MAST2: variants seen among roughly 807,000 people sequenced by gnomAD.
The protein encoded by MAST2 is microtubule associated serine/threonine kinase 2.
In MAST2, 70 loss-of-function variants were observed where a neutral mutation model predicts 147.4. That is an observed-to-expected ratio of 0.47 (90% CI 0.39 to 0.58). The LOEUF is 0.58. Ranked by LOEUF, MAST2 falls within the 20% of genes least tolerant of loss-of-function variation. MAST2 has a pLI of 0.00. For synonymous variants in MAST2, 869 were observed against 896.8 expected (o/e 0.97, Z 0.55); for missense variants, 2,080 against 2,302.3 (o/e 0.90, Z 1.98).
intron 5 of MAST2, among the ~76,000 whole-genome samples, chr1:45,987,517 G>A (rs563579399): frequency 3.3e-5 from 5 of 152,040 alleles, no homozygotes; most frequent in Non-Finnish European, 7.4e-5. Flanking sequence ...TCATCGTGTT[G>A]CCCAGGCTGG....
At chr1:45,913,693 G>A in intron 4 of MAST2, 1 of 1,022,690 alleles carries the variant, frequency 9.8e-7, no homozygotes, top group Non-Finnish European at 1.2e-6. Flanking sequence ...TGTTTTTGAA[G>A]AAAAGTACTT....
At chr1:45,816,593 T>C (rs896846897) in intron 1 of MAST2, among the ~76,000 whole-genome samples, 1 of 152,124 alleles carries the variant, frequency 6.6e-6, no homozygotes, top group Non-Finnish European at 1.5e-5. Context: ...CAAGCTGAAA[T>C]TTTGGAGTTG....
chr1:45,913,281 G>A (rs536762870), intron 4 of MAST2, among the ~76,000 whole-genome samples: 16 of 152,166 alleles, frequency 1.1e-4, no homozygotes, highest in Non-Finnish European at 2.1e-4. Context: ...CTGCAGAAAC[G>A]CCCACATAGT....
chr1:45,896,021 T>C (rs1027768345), intron 4 of MAST2, among the ~76,000 whole-genome samples: 2 of 150,544 alleles, frequency 1.3e-5, no homozygotes, highest in African/African-American at 4.9e-5. Context: ...ACAGACTTTC[T>C]TGAATGACTA....
chr1:45,972,697 T>C (rs78015721), intron 5 of MAST2, among the ~76,000 whole-genome samples: 394 of 152,358 alleles, frequency 2.6e-3, no homozygotes, highest in Middle Eastern at 6.8e-3. Context: ...ATCTACATGC[T>C]TAATTCATCT....
chr1:45,818,063 G>A (rs1056552267), intron 1 of MAST2, among the ~76,000 whole-genome samples: 2 of 152,178 alleles, frequency 1.3e-5, no homozygotes, highest in African/African-American at 2.4e-5. Flanking sequence ...GAGAGGTTAG[G>A]TGAATATGGC....
intron 16 of MAST2, among the ~76,000 whole-genome samples, chr1:46,026,598 C>G (rs529600136): frequency 2.5e-4 from 38 of 152,066 alleles, no homozygotes; most frequent in Admixed American, 2.0e-3. Context: ...CAAAGAGATA[C>G]CGAGACCAGG....
chr1:46,034,669 C>T lies in MAST2; in HGVS notation c.4000C>T (p.Arg1334Trp), dbSNP rs1315030922. The T allele has an allele frequency of 5.0e-6, 8 of 1,614,206 alleles. No homozygotes were observed. Among genetic ancestry groups the T allele is most frequent in the Non-Finnish European group, 4.2e-6 (5 of 1,180,028 alleles). The change falls in exon 29 of 29, where the codon CGG becomes TGG. Residue 1334 changes from arginine to tryptophan, a missense_variant. Arg to Trp is a moderately radical substitution (Grantham distance 101). Coordinates refer to ENST00000361297, the MANE Select transcript of MAST2 (RefSeq NM_015112.3). ...GCTCCAACGCCAGTACCGCTCTCCACGGCGCAAGTCAGCAGGCAGCATCCC... is the reference window on the plus strand; with the variant it reads ...GCTCCAACGCCAGTACCGCTCTCCATGGCGCAAGTCAGCAGGCAGCATCCC... ...PKLQRQYRSP[R>W]RKSAGSIPLS... is the part of the protein sequence containing the mutation.
chr1:46,030,169 G>A lies in MAST2; in HGVS notation c.2484G>A (p.Glu828=), dbSNP rs750348604. 1 of 1,614,152 alleles carries A rather than the reference G, an allele frequency of 6.2e-7. No homozygotes were observed. Among genetic ancestry groups the A allele is most frequent in the South Asian group, 1.1e-5 (1 of 91,088 alleles). The part of the protein sequence containing the change: ...ERYHHMDSED[E]EEVSEDGCLE... ...ACCACCACATGGACTCGGAGGATGA[G>A]GAAGAAGTGAGTGAGGATGGCTGCC... The change falls in exon 21 of 29, where the codon GAG becomes GAA. Residue 828 remains glutamate, a synonymous_variant. Transcript: ENST00000361297.
At position 46,035,852 on chromosome 1, in the gene MAST2, A is replaced by G. The variant is rs776716167; in HGVS notation, c.5183A>G (p.Glu1728Gly). ...YEDPSQGWLW[E>G]SECAQAVKED... is the part of the protein sequence containing the mutation. The stretch of plus-strand genomic sequence containing the variant: ...GATCCCAGCCAGGGCTGGCTATGGG[A>G]GTCTGAGTGTGCACAAGCAGTGAAA... Residue 1728 changes from glutamate (E) to glycine (G), a missense_variant, in exon 29 of 29, where the codon GAG becomes GGG. Physicochemically the swap from Glu to Gly is moderately conservative, Grantham distance 98 (BLOSUM62 -2). Transcript: ENST00000361297. This position sits in a 1 kb window ranked among gnomAD's most constrained non-coding sequence, Gnocchi z 5.5. 2 of 1,614,032 alleles carry G rather than the reference A, an allele frequency of 1.2e-6. No homozygotes were observed. The highest frequency in any genetic ancestry group is 2.2e-5 in the South Asian group (2 of 91,074).
intron 4 of MAST2, among the ~76,000 whole-genome samples, chr1:45,904,560 G>A (rs1570641882): frequency 1.3e-5 from 2 of 151,868 alleles, no homozygotes; most frequent in South Asian, 4.1e-4. Flanking sequence ...CTTGAACTGG[G>A]CTCAAGCAGT....
intron 3 of MAST2, among the ~76,000 whole-genome samples, chr1:45,846,001 C>T (rs774944448): frequency 3.3e-5 from 5 of 152,276 alleles, no homozygotes; most frequent in Non-Finnish European, 5.9e-5. Context: ...ACCTTGTGAT[C>T]TGCCCGCCTC....
intron 3 of MAST2, among the ~76,000 whole-genome samples, chr1:45,846,287 T>C (rs1399532956): frequency 6.6e-6 from 1 of 152,228 alleles, no homozygotes; most frequent in Non-Finnish European, 1.5e-5. Flanking sequence ...AAGACAATTT[T>C]GCTGTTATCA....
intron 5 of MAST2, among the ~76,000 whole-genome samples, chr1:45,969,457 T>A (rs1027287062): frequency 5.3e-5 from 8 of 152,154 alleles, no homozygotes; most frequent in Admixed American, 2.0e-4. Context: ...AAGCTACATT[T>A]GTATTTACAG....
intron 22 of MAST2, 31 bp downstream of exon 22, chr1:46,030,792 G>A (rs768398242): frequency 1.2e-5 from 19 of 1,541,462 alleles, no homozygotes; most frequent in South Asian, 1.1e-4. Context: ...CAGGGTGGGC[G>A]ACACAGCTAT....
intron 4 of MAST2, among the ~76,000 whole-genome samples, chr1:45,891,988 G>A (rs1312036820): frequency 6.6e-6 from 1 of 152,148 alleles, no homozygotes; most frequent in Admixed American, 6.5e-5. Context: ...CCATCTGTAA[G>A]TCTGGACCCT....
At chr1:45,959,905 G>C (rs553576831) in intron 5 of MAST2, among the ~76,000 whole-genome samples, 2 of 152,208 alleles carry the variant, frequency 1.3e-5, no homozygotes, top group East Asian at 3.9e-4. Context: ...CTTAGATTAG[G>C]AGATAACAAA....
rs1646696622 is a variant in MAST2 at position 46,032,172 on chromosome 1, C to T, written c.3188-6C>T. The T allele has an allele frequency of 6.2e-7, 1 of 1,612,836 alleles. No homozygotes were observed. The highest frequency in any genetic ancestry group is 8.5e-7 in the Non-Finnish European group (1 of 1,178,920). The stretch of plus-strand genomic sequence containing the variant: ...ACCCACTAAGTCCTGGCTTCTCCTT[C>T]TCCAGAACACCACACCTGCTCCCCG... On this transcript the variant is annotated splice_region_variant and splice_polypyrimidine_tract_variant and intron_variant, in intron 24 of 28. Coordinates refer to ENST00000361297, the MANE Select transcript of MAST2 (RefSeq NM_015112.3).
At chr1:45,827,378 G>A (rs1644825623) in intron 2 of MAST2, among the ~76,000 whole-genome samples, 1 of 152,152 alleles carries the variant, frequency 6.6e-6, no homozygotes, top group African/African-American at 2.4e-5. Flanking sequence ...GTTCTTGGCA[G>A]TCTGCGGTAT....
Sources: gnomAD v4.1 joint callset for allele counts (sites outside exome capture counted in the v4.1 genomes callset) on GRCh38, gnomAD v4.1.1 for gene constraint, Gnocchi (gnomAD v3.1) non-coding constraint, MANE v1.5 for transcripts, NCBI Gene and HGNC (gene_info 2026-07-23, HGNC 2026-07-21) for gene names.